The following ALK variants were observed in gnomAD, a reference collection of about 807,000 sequenced individuals.
ALK encodes ALK receptor tyrosine kinase.
In ALK, 74 loss-of-function variants were observed where a neutral mutation model predicts 163.1. The observed-to-expected ratio is 0.45, with a 90% CI of 0.38 to 0.55. ALK has a LOEUF of 0.55. Ranked by LOEUF, ALK falls within the 20% of genes least tolerant of loss-of-function variation. The pLI is 0.00. For synonymous variants in ALK, 960 were observed against 843.2 expected (o/e 1.14, Z -2.40); for missense variants, 2,063 against 2,105.3 (o/e 0.98, Z 0.39).
At chr2:29,240,133 G>T (rs549000454) in intron 12 of ALK, among the ~76,000 whole-genome samples, 2 of 145,082 alleles carry the variant, frequency 1.4e-5, no homozygotes, top group South Asian at 2.2e-4. Flanking sequence ...AGAAGGAGGG[G>T]AGAGAGAGAG....
chr2:29,578,907 GA>G (rs1674599517), intron 3 of ALK, among the ~76,000 whole-genome samples: 1 of 152,206 alleles, frequency 6.6e-6, no homozygotes, highest in East Asian at 1.9e-4. Context: ...CAGACAATCT[GA>G]GCACTGTCTC....
intron 2 of ALK, among the ~76,000 whole-genome samples, chr2:29,695,295 T>C (rs1678521348): frequency 6.6e-6 from 1 of 152,140 alleles, no homozygotes; most frequent in Non-Finnish European, 1.5e-5. Flanking sequence ...GCTCTGCATC[T>C]TGTGAAGTTA....
At chr2:29,592,854 G>A (rs570276881) in intron 3 of ALK, among the ~76,000 whole-genome samples, 3 of 152,212 alleles carry the variant, frequency 2.0e-5, no homozygotes, top group African/African-American at 7.2e-5. Flanking sequence ...GCAAGTCAAG[G>A]AGCTCCAGGA....
At chr2:29,690,793 C>G (rs534590247) in intron 3 of ALK, among the ~76,000 whole-genome samples, 2 of 152,186 alleles carry the variant, frequency 1.3e-5, no homozygotes, top group African/African-American at 4.8e-5. Flanking sequence ...CATCTTGCTG[C>G]CTTTTTCTGG....
intron 11 of ALK, among the ~76,000 whole-genome samples, chr2:29,262,136 C>T (rs574856675): frequency 9.2e-5 from 14 of 152,306 alleles, no homozygotes; most frequent in African/African-American, 3.1e-4. Context: ...GGGAGAAGAA[C>T]TGTGACTTTT....
chr2:29,626,204 C>T (rs948539407), intron 3 of ALK, among the ~76,000 whole-genome samples: 12 of 152,064 alleles, frequency 7.9e-5, no homozygotes, highest in Non-Finnish European at 1.3e-4. Flanking sequence ...GAGATGTGGT[C>T]ATGAGAGTAG....
chr2:29,896,669 T>C (rs1558538462), intron 1 of ALK, among the ~76,000 whole-genome samples: 1 of 152,166 alleles, frequency 6.6e-6, no homozygotes. Flanking sequence ...TCTGTAGGAT[T>C]TTCTGATGGC....
intron 5 of ALK, among the ~76,000 whole-genome samples, chr2:29,374,179 A>T (rs1329270749): frequency 2.0e-5 from 3 of 152,220 alleles, no homozygotes; most frequent in Non-Finnish European, 4.4e-5. Context: ...TGCCAGAGAG[A>T]GGATGAGAAT....
chr2:29,294,859 T>A (rs1042259743), intron 9 of ALK, among the ~76,000 whole-genome samples: 1 of 152,216 alleles, frequency 6.6e-6, no homozygotes, highest in African/African-American at 2.4e-5. Flanking sequence ...TGCCCTTTCA[T>A]CTAGAGTGCT....
chr2:29,835,488 G>A, intron 1 of ALK, among the ~76,000 whole-genome samples: 1 of 152,262 alleles, frequency 6.6e-6, no homozygotes, highest in Non-Finnish European at 1.5e-5. Flanking sequence ...TGGGATCACA[G>A]TAGTATACCA....
At position 29,431,523 on chromosome 2, in the gene ALK, G is replaced by T. The variant is rs1670272564; in HGVS notation, c.1155-47664C>A. 2.0e-5 allele frequency among the ~76,000 whole-genome samples: 3 copies of T among 152,152 alleles called. No individual in the cohort carries two copies. In the South Asian group the frequency reaches 6.2e-4, roughly 32 times the overall value. On this transcript the variant is annotated intron_variant, in intron 4 of 28. Coordinates refer to ENST00000389048, the MANE Select transcript of ALK (RefSeq NM_004304.5). ...CACATGGAGACTGACAAATCAAGGA[G>T]GTCAAACCTTTCTTTTTGCCCAGGC...
At chr2:29,225,980 C>G (rs11683248) in intron 18 of ALK, among the ~76,000 whole-genome samples, 51,296 of 151,836 alleles carry the variant, frequency 0.34, 9,273 homozygotes, top group Non-Finnish European at 0.39. Context: ...ACTGGGCTCA[C>G]AGTGGGGAGG....
intron 3 of ALK, among the ~76,000 whole-genome samples, chr2:29,584,264 A>G (rs970677353): frequency 2.6e-5 from 4 of 152,210 alleles, no homozygotes; most frequent in African/African-American, 7.2e-5. Flanking sequence ...CTCCTCATTT[A>G]TTACTTGTTA....
intron 9 of ALK, chr2:29,286,829 G>A (rs773633847): frequency 6.6e-5 from 10 of 152,094 alleles, no homozygotes; most frequent in Admixed American, 2.6e-4. Context: ...TCAATGCTCA[G>A]CATAGCTAAA....
In ALK at chr2:29,249,944, G is replaced by A. The variant is rs1174467885; in HGVS notation, c.2204+1161C>T. On this transcript the variant is annotated intron_variant, in intron 12 of 28. Transcript: ENST00000389048. ...CGGAGTGCCATTTAAAAAGCACTTA[G>A]GGCTGTCCCCGTAACACATTTACCC... 3.3e-5 allele frequency among the ~76,000 whole-genome samples: 5 copies of A among 152,318 alleles called. No homozygotes were observed. In the East Asian group the frequency reaches 9.7e-4, roughly 29 times the overall value.
intron 4 of ALK, among the ~76,000 whole-genome samples, chr2:29,530,713 C>T (rs1416368534): frequency 6.6e-6 from 1 of 152,230 alleles, no homozygotes; most frequent in Non-Finnish European, 1.5e-5. Flanking sequence ...CAGAAGATAG[C>T]TGGTCCCAAA....
chr2:29,809,172 T>G (rs1388399015), intron 1 of ALK, among the ~76,000 whole-genome samples: 2 of 152,208 alleles, frequency 1.3e-5, no homozygotes, highest in Non-Finnish European at 2.9e-5. Context: ...TTAAGCAAGG[T>G]TCTGGAAACA....
At chr2:29,689,348 T>C (rs1678328193) in intron 3 of ALK, among the ~76,000 whole-genome samples, 2 of 152,228 alleles carry the variant, frequency 1.3e-5, no homozygotes, top group African/African-American at 4.8e-5. Context: ...AAGGAGGCTA[T>C]ATCCTGAGAG....
At chr2:29,884,239 T>C (rs1469078584) in intron 1 of ALK, among the ~76,000 whole-genome samples, 2 of 152,242 alleles carry the variant, frequency 1.3e-5, no homozygotes, top group Non-Finnish European at 2.9e-5. Flanking sequence ...TGATCTCTCA[T>C]AGTTCTCACA....
Sources: allele counts gnomAD v4.1 joint callset (sites outside exome capture counted in the v4.1 genomes callset), GRCh38; gene constraint gnomAD v4.1.1; transcripts MANE v1.5; gene names NCBI Gene and HGNC (gene_info 2026-07-23, HGNC 2026-07-21).